Variants in ACYP2 observed in about 807,000 individuals in gnomAD.
ACYP2 encodes the protein acylphosphatase-2.
A neutral mutation model predicts 11.2 loss-of-function variants in ACYP2; 12 were observed. That is an observed-to-expected ratio of 1.08 (90% CI 0.69 to 1.74). The LOEUF is 1.74. ACYP2 is among the 40% of genes most tolerant of loss of function. The probability of loss-of-function intolerance (pLI) is 0.00; values close to 1 mark genes in which losing one functional copy is unlikely to be tolerated. For synonymous variants in ACYP2, 43 were observed against 32.2 expected (o/e 1.33, Z -1.13); for missense variants, 134 against 101.9 (o/e 1.31, Z -1.35).
intron 2 of ACYP2, among the ~76,000 whole-genome samples, chr2:54,001,638 C>G (rs190855229): frequency 5.8e-4 from 88 of 152,308 alleles, no homozygotes; most frequent in African/African-American, 2.0e-3. Context: ...AGGTGATCCA[C>G]TCACCTCGGC....
At chr2:54,304,101 T>A (rs960298712) in intron 6 of ACYP2, among the ~76,000 whole-genome samples, 1 of 152,194 alleles carries the variant, frequency 6.6e-6, no homozygotes, top group Non-Finnish European at 1.5e-5. Context: ...TTAATATATG[T>A]GGTAAGAAAC....
intron 6 of ACYP2, among the ~76,000 whole-genome samples, chr2:54,215,425 G>A (rs960132070): frequency 3.9e-5 from 6 of 152,020 alleles, no homozygotes; most frequent in African/African-American, 1.4e-4. Flanking sequence ...ATGTTCCTTT[G>A]ATGCCTGGTT....
intron 6 of ACYP2, among the ~76,000 whole-genome samples, chr2:54,226,448 A>G (rs1343210177): frequency 6.6e-6 from 1 of 151,210 alleles, no homozygotes; most frequent in East Asian, 1.9e-4. Context: ...AGAACTTTCA[A>G]TAATGTGTTG....
At chr2:54,078,965 G>A (rs891581562) in intron 4 of ACYP2, among the ~76,000 whole-genome samples, 3 of 152,190 alleles carry the variant, frequency 2.0e-5, no homozygotes, top group African/African-American at 4.8e-5. Context: ...AGGGTATGCC[G>A]TAGGCATATA....
intron 6 of ACYP2, among the ~76,000 whole-genome samples, chr2:54,274,969 C>T (rs1225952642): frequency 1.3e-5 from 2 of 152,154 alleles, no homozygotes; most frequent in Admixed American, 1.3e-4. Context: ...CCTCACATAG[C>T]TCAAAATACT....
At chr2:54,260,508 A>C (rs905859371) in intron 6 of ACYP2, among the ~76,000 whole-genome samples, 1 of 152,180 alleles carries the variant, frequency 6.6e-6, no homozygotes, top group Non-Finnish European at 1.5e-5. Context: ...AAGAAGGGCA[A>C]GAGAATAATT....
intron 6 of ACYP2, among the ~76,000 whole-genome samples, chr2:54,191,702 C>T (rs1265100173): frequency 2.0e-5 from 3 of 152,098 alleles, no homozygotes; most frequent in African/African-American, 7.2e-5. Flanking sequence ...TGGAGGTGTC[C>T]ATATAACCCT....
intron 4 of ACYP2, among the ~76,000 whole-genome samples, chr2:54,095,783 G>T (rs1157813500): frequency 7.4e-6 from 1 of 134,746 alleles, no homozygotes; most frequent in Non-Finnish European, 1.6e-5. Flanking sequence ...TGGCCGGGCA[G>T]GGGGTTGACC....
intron 2 of ACYP2, among the ~76,000 whole-genome samples, chr2:54,010,973 C>T (rs1447410414): frequency 6.6e-6 from 1 of 151,880 alleles, no homozygotes; most frequent in Non-Finnish European, 1.5e-5. Flanking sequence ...GCGGCCCCTC[C>T]CTCCACTTTG....
intron 6 of ACYP2, among the ~76,000 whole-genome samples, chr2:54,199,559 A>C (rs145273984): frequency 1.2e-4 from 19 of 152,322 alleles, no homozygotes; most frequent in Non-Finnish European, 1.9e-4. Context: ...CAAAGTGTTG[A>C]GTAAGTTTTG....
At chr2:54,280,233 T>G (rs843717) in intron 6 of ACYP2, among the ~76,000 whole-genome samples, 50,733 of 151,776 alleles carry the variant, frequency 0.33, 8,883 homozygotes, top group Admixed American at 0.46. Flanking sequence ...AAGAGAGAGA[T>G]ATGAAAGATT....
intron 6 of ACYP2, among the ~76,000 whole-genome samples, chr2:54,197,550 G>C (rs902432009): frequency 6.6e-6 from 1 of 152,228 alleles, no homozygotes; most frequent in Non-Finnish European, 1.5e-5. Context: ...CGAAGGTTGT[G>C]TGACAGGAGT....
rs1264092381 is a variant in ACYP2, at chr2:54,097,097, G to T, written c.278-38356G>T. Among the ~76,000 whole-genome samples, 3 of 152,150 alleles carry T rather than the reference G, an allele frequency of 2.0e-5. No homozygotes were observed. In the South Asian group the frequency reaches 6.2e-4, roughly 32 times the overall value. On this transcript the variant is annotated intron_variant, in intron 4 of 6. Coordinates refer to ENST00000607452, the MANE Select transcript of ACYP2 (RefSeq NM_001320586.2). ...AATTAAAAAGCAATAATTCAAAAGGGTTTATAATATCTTTCACCTCCTCCG... is the reference window on the plus strand; with the variant it reads ...AATTAAAAAGCAATAATTCAAAAGGTTTTATAATATCTTTCACCTCCTCCG...
At chr2:54,135,237 AC>A (rs1681152814) in intron 4 of ACYP2, among the ~76,000 whole-genome samples, 1 of 152,200 alleles carries the variant, frequency 6.6e-6, no homozygotes, top group Non-Finnish European at 1.5e-5. Flanking sequence ...TCACTATGCT[AC>A]TCAGAAAGGC....
chr2:54,179,370 G>A (rs1292829715), intron 6 of ACYP2, among the ~76,000 whole-genome samples: 3 of 152,062 alleles, frequency 2.0e-5, no homozygotes, highest in East Asian at 3.9e-4. Context: ...GCATCAGATC[G>A]TTACCGGAAA....
intron 6 of ACYP2, among the ~76,000 whole-genome samples, chr2:54,292,005 C>A (rs1361809184): frequency 6.6e-6 from 1 of 152,148 alleles, no homozygotes; most frequent in African/African-American, 2.4e-5. Context: ...TTGCAGCAAA[C>A]TATAGAAATC....
chr2:54,180,316 A>G (rs1393198303), intron 6 of ACYP2, among the ~76,000 whole-genome samples: 1 of 151,928 alleles, frequency 6.6e-6, no homozygotes, highest in Non-Finnish European at 1.5e-5. Flanking sequence ...GCCATTGGAG[A>G]TCAGCTTAAC....
chr2:54,059,100 G>C (rs941202022), intron 4 of ACYP2, among the ~76,000 whole-genome samples: 4 of 152,152 alleles, frequency 2.6e-5, no homozygotes. Flanking sequence ...TTTAGAATGA[G>C]GGGTTTGTCC....
chr2:54,186,445 A>G (rs1050832437), intron 6 of ACYP2, among the ~76,000 whole-genome samples: 1 of 152,202 alleles, frequency 6.6e-6, no homozygotes, highest in African/African-American at 2.4e-5. Flanking sequence ...AATTACACGT[A>G]TAGAAATATG....
Sources: allele counts gnomAD v4.1 joint callset (sites outside exome capture counted in the v4.1 genomes callset), GRCh38; gene constraint gnomAD v4.1.1; transcripts MANE v1.5; gene names NCBI Gene and HGNC (gene_info 2026-07-23, HGNC 2026-07-21).